Variants in IL21R observed in about 807,000 individuals in gnomAD.
IL21R encodes interleukin-21 receptor.
Under a neutral mutation model 41.3 loss-of-function variants are expected in IL21R, and 14 were observed. The observed-to-expected ratio is 0.34, with a 90% CI of 0.22 to 0.53. The LOEUF (loss-of-function observed/expected upper bound fraction) is 0.53. IL21R is among the 20% of genes least tolerant of loss of function. IL21R has a pLI of 0.94. For synonymous variants in IL21R, 286 were observed against 287.6 expected, an observed-to-expected ratio of 0.99 and a Z score of 0.05; for missense variants, 588 against 681.6, an observed-to-expected ratio of 0.86 and a Z score of 1.53.
intron 1 of IL21R, among the ~76,000 whole-genome samples, chr16:27,407,858 G>A (rs116075276): frequency 3.4e-4 from 51 of 150,370 alleles, no homozygotes; most frequent in African/African-American, 1.2e-3. Context: ...AACAAAAAAC[G>A]TATCCTCACC....
At chr16:27,438,437 G>T (rs771111127) in intron 4 of IL21R, among the ~76,000 whole-genome samples, 7 of 152,162 alleles carry the variant, frequency 4.6e-5, no homozygotes, top group Non-Finnish European at 8.8e-5. Flanking sequence ...CAGAATTAGG[G>T]CAGGTGGCAG....
At chr16:27,439,980 C>T (rs965497592) in intron 4 of IL21R, among the ~76,000 whole-genome samples, 14 of 151,936 alleles carry the variant, frequency 9.2e-5, no homozygotes, top group African/African-American at 1.9e-4. Context: ...ACAGGGAAGC[C>T]GAGAGCCGGC....
intron 1 of IL21R, among the ~76,000 whole-genome samples, chr16:27,427,734 G>C (rs1303942361): frequency 6.6e-6 from 1 of 152,138 alleles, no homozygotes; most frequent in Admixed American, 6.5e-5. Flanking sequence ...TCGCACCGTG[G>C]CTGGGGTGAT....
chr16:27,412,659 T>C (rs1443554559), intron 1 of IL21R, among the ~76,000 whole-genome samples: 3 of 152,130 alleles, frequency 2.0e-5, no homozygotes, highest in Middle Eastern at 3.2e-3. Flanking sequence ...TTCTTTAATT[T>C]CCTTCAAAAA....
At chr16:27,445,316 C>A in intron 7 of IL21R, 40 bp downstream of exon 7, 1 of 1,290,546 alleles carries the variant, frequency 7.7e-7, no homozygotes, top group Non-Finnish European at 1.1e-6. Context: ...GGTGGTCAGC[C>A]TGGGCCACTG....
rs1352952907 is a variant in IL21R, at chr16:27,451,863, T to C, written c.*2580T>C. ...CAAAAGTCTTTGATATTACTCTTAA[T>C]GGCTTTAATAAAAAGCTTGAAGGAA... On this transcript the variant is annotated 3_prime_UTR_variant, in exon 9 of 9. Coordinates refer to ENST00000337929, the MANE Select transcript of IL21R (RefSeq NM_181078.3). The C allele has an allele frequency of 8.7e-6, 2 of 230,716 alleles. No individual in the cohort carries two copies. Among genetic ancestry groups the C allele is most frequent in the Non-Finnish European group, 1.7e-5 (2 of 116,508 alleles). The allele number at this position is 230,716 out of a possible 1,614,324, so 14.3% of individuals were successfully genotyped here.
intron 1 of IL21R, among the ~76,000 whole-genome samples, chr16:27,420,251 C>T (rs926602570): frequency 2.0e-5 from 3 of 152,194 alleles, no homozygotes; most frequent in African/African-American, 7.2e-5. Flanking sequence ...CCAGCATCAT[C>T]ACAAGCCCAT....
At chr16:27,426,580 G>T (rs907845169) in intron 1 of IL21R, among the ~76,000 whole-genome samples, 1 of 152,216 alleles carries the variant, frequency 6.6e-6, no homozygotes, top group Non-Finnish European at 1.5e-5. Context: ...CCGGGGAGAC[G>T]ATGAGTAATT....
chr16:27,416,953 T>C (rs1472063607), intron 1 of IL21R, among the ~76,000 whole-genome samples: 2 of 152,248 alleles, frequency 1.3e-5, no homozygotes, highest in Non-Finnish European at 1.5e-5. Context: ...TATCAGTAGT[T>C]CATTCCCTTA....
At chr16:27,434,714 T>A (rs3093329) in intron 3 of IL21R, among the ~76,000 whole-genome samples, 1,871 of 152,174 alleles carry the variant, frequency 0.012, 54 homozygotes, top group African/African-American at 0.042. Context: ...AGCACTTAGG[T>A]ACCAGGCCCC....
chr16:27,417,091 A>G (rs931092399), intron 1 of IL21R, among the ~76,000 whole-genome samples: 2 of 151,900 alleles, frequency 1.3e-5, no homozygotes, highest in African/African-American at 4.8e-5. Context: ...ATTTGTCTAC[A>G]ATGGTTTGTA....
At chr16:27,418,950 C>G (rs547434979) in intron 1 of IL21R, among the ~76,000 whole-genome samples, 2 of 151,368 alleles carry the variant, frequency 1.3e-5, no homozygotes, top group Non-Finnish European at 1.5e-5. Context: ...CATGGTGGCT[C>G]ATGCCCGTAA....
rs922157829 is a variant in IL21R, at chr16:27,449,879, C to G, written c.*596C>G. The G allele has an allele frequency of 4.3e-6, 1 of 233,920 alleles. No homozygotes were observed. Among genetic ancestry groups the G allele is most frequent in the Non-Finnish European group, 8.4e-6 (1 of 118,552 alleles). 14.5% of individuals were successfully genotyped at this position (233,920 alleles called of 1,614,324 possible). On this transcript the variant is annotated 3_prime_UTR_variant, in exon 9 of 9. Coordinates refer to ENST00000337929, the MANE Select transcript of IL21R (RefSeq NM_181078.3). ...GGGAATGGCAATTTTTTGGGCGGCC[C>G]CTGGACGAAGGTCTGAATCCCGACT... is the stretch of plus-strand genomic sequence containing the variant.
intron 3 of IL21R, among the ~76,000 whole-genome samples, chr16:27,436,153 C>T (rs947805090): frequency 2.0e-5 from 3 of 152,204 alleles, no homozygotes; most frequent in Non-Finnish European, 4.4e-5. Flanking sequence ...TTTGAGACCC[C>T]GGGATGGCCG....
In IL21R at chr16:27,402,613, CAG is replaced by C. The variant is rs2086677309; in HGVS notation, c.-20_-19del. On this transcript the variant is annotated 5_prime_UTR_variant, in exon 1 of 9. Coordinates refer to ENST00000337929, the MANE Select transcript of IL21R (RefSeq NM_181078.3). ...TGGATTTCTGAGAAAGAAGCCGAAA[CAG>C]AAGGTAATTCCAGCCCTGGTTTTCT... is the stretch of plus-strand genomic sequence containing the variant. 1 of 154,522 alleles carries C rather than the reference CAG, an allele frequency of 6.5e-6. No individual in the cohort carries two copies. Among genetic ancestry groups the C allele is most frequent in the African/African-American group, 2.4e-5 (1 of 41,482 alleles). The allele number at this position is 154,522 out of a possible 1,614,324, so 9.6% of individuals were successfully genotyped here.
At chr16:27,422,760 T>C (rs768733678) in intron 1 of IL21R, among the ~76,000 whole-genome samples, 34 of 152,350 alleles carry the variant, frequency 2.2e-4, no homozygotes, top group Non-Finnish European at 4.9e-4. Flanking sequence ...ATCTTCATTG[T>C]TGATCATTTG....
chr16:27,418,655 CCG>C (rs1487804768), intron 1 of IL21R, among the ~76,000 whole-genome samples: 1 of 152,174 alleles, frequency 6.6e-6, no homozygotes, highest in Non-Finnish European at 1.5e-5. Context: ...CAGGCATGAG[CCG>C]CTGCGCCCCG....
Position 27,450,065 on chromosome 16 carries a change from G to A in IL21R, c.*782G>A, listed in dbSNP as rs1202083277. On this transcript the variant is annotated 3_prime_UTR_variant, in exon 9 of 9. Coordinates refer to ENST00000337929, the MANE Select transcript of IL21R (RefSeq NM_181078.3). ...CAGAGCAGACCCTCAATAAACGTCA[G>A]CTTCCTTCCTTCTGCGGCCAGAGCC... The A allele has an allele frequency of 4.3e-6, 1 of 232,614 alleles. No homozygotes were observed. The highest frequency in any genetic ancestry group is 2.2e-5 in the African/African-American group (1 of 45,288). 14.4% of individuals were successfully genotyped at this position (232,614 alleles called of 1,614,324 possible).
At chr16:27,418,004 CTATTT>C (rs774009338) in intron 1 of IL21R, among the ~76,000 whole-genome samples, 68 of 134,738 alleles carry the variant, frequency 5.0e-4, no homozygotes, top group Admixed American at 6.6e-4. Flanking sequence ...AACATTTTTC[CTATTT>C]TATTTATTTT....
Sources: gnomAD v4.1 joint callset for allele counts (sites outside exome capture counted in the v4.1 genomes callset) on GRCh38, gnomAD v4.1.1 for gene constraint, MANE v1.5 for transcripts, NCBI Gene and HGNC (gene_info 2026-07-23, HGNC 2026-07-21) for gene names.